PXDNL: variants seen among roughly 807,000 people sequenced by gnomAD.
The protein encoded by PXDNL is peroxidasin like, also known as probable oxidoreductase PXDNL.
PXDNL carries 145 observed loss-of-function variants against 150.8 expected under a neutral mutation model. The observed-to-expected ratio is 0.96, with a 90% CI of 0.84 to 1.10. The LOEUF is 1.10. PXDNL is among the 50% of genes least tolerant of loss of function. The pLI is 0.00. For missense variants in PXDNL, 2,087 were observed against 1,873.9 expected, an observed-to-expected ratio of 1.11 and a Z score of -2.10; for synonymous variants, 757 against 725.7, an observed-to-expected ratio of 1.04 and a Z score of -0.69.
intron 12 of PXDNL, among the ~76,000 whole-genome samples, chr8:51,436,871 A>G (rs1734140483): frequency 6.6e-6 from 1 of 152,234 alleles, no homozygotes; most frequent in East Asian, 1.9e-4. Context: ...GCAGAACTAC[A>G]TGAAATTGAA....
intron 4 of PXDNL, among the ~76,000 whole-genome samples, chr8:51,532,181 C>T (rs931170576): frequency 2.0e-5 from 3 of 152,164 alleles, no homozygotes; most frequent in South Asian, 2.1e-4. Flanking sequence ...ACACTAGAAA[C>T]AACTTTTATA....
At chr8:51,776,326 T>G (rs746008669) in intron 1 of PXDNL, among the ~76,000 whole-genome samples, 1 of 152,116 alleles carries the variant, frequency 6.6e-6, no homozygotes, top group Non-Finnish European at 1.5e-5. Flanking sequence ...CCCTCCCCTT[T>G]TGAAAATCAC....
intron 1 of PXDNL, among the ~76,000 whole-genome samples, chr8:51,801,218 C>T (rs992140540): frequency 1.3e-5 from 2 of 152,074 alleles, no homozygotes; most frequent in Non-Finnish European, 2.9e-5. Context: ...GACTGAAATA[C>T]GCCCTGGTCT....
intron 14 of PXDNL, 34 bp downstream of exon 14, chr8:51,423,541 T>C: frequency 6.3e-7 from 1 of 1,593,922 alleles, no homozygotes. Context: ...AAGACAGTTA[T>C]TTGGATGTTG....
chr8:51,519,257 G>A (rs1262237065), intron 4 of PXDNL, among the ~76,000 whole-genome samples: 1 of 152,092 alleles, frequency 6.6e-6, no homozygotes, highest in Non-Finnish European at 1.5e-5. Context: ...ATTTCCTGAA[G>A]AAGGCCGGGT....
chr8:51,474,580 T>C (rs1045680538), intron 7 of PXDNL, among the ~76,000 whole-genome samples: 2 of 152,232 alleles, frequency 1.3e-5, no homozygotes, highest in African/African-American at 4.8e-5. Flanking sequence ...GCAATGAATA[T>C]TAGCAATTAT....
At chr8:51,796,084 C>A (rs2129259634) in intron 1 of PXDNL, among the ~76,000 whole-genome samples, 1 of 152,266 alleles carries the variant, frequency 6.6e-6, no homozygotes, top group East Asian at 1.9e-4. Flanking sequence ...ATGCAAATTT[C>A]TCGGCCTTCC....
Position 51,419,429 on chromosome 8 carries a change from A to C in PXDNL, c.1795+4146T>G, listed in dbSNP as rs75594395. Among the ~76,000 whole-genome samples the C allele has an allele frequency of 5.0e-3, 766 of 152,332 alleles. 5 individuals are homozygous for C. Among genetic ancestry groups the C allele is most frequent in the African/African-American group, 0.018 (729 of 41,570 alleles). On this transcript the variant is annotated intron_variant, in intron 14 of 22. Coordinates refer to ENST00000356297, the MANE Select transcript of PXDNL (RefSeq NM_144651.5). ...TTTGAATTCTATCATGGAAACATAG[A>C]AATTCTATGCCAAGAAATACTCTTG... is the stretch of plus-strand genomic sequence containing the variant.
At chr8:51,473,769 A>C (rs1585501748) in intron 7 of PXDNL, among the ~76,000 whole-genome samples, 1 of 151,414 alleles carries the variant, frequency 6.6e-6, no homozygotes, top group African/African-American at 2.4e-5. Flanking sequence ...AAAAACAGTA[A>C]GTGACTGGAG....
chr8:51,486,984 G>A (rs1369285365), intron 5 of PXDNL, among the ~76,000 whole-genome samples: 8 of 150,686 alleles, frequency 5.3e-5, no homozygotes, highest in African/African-American at 2.0e-4. Context: ...TTGTAGAGAC[G>A]GGGTTTCACC....
intron 4 of PXDNL, among the ~76,000 whole-genome samples, chr8:51,513,107 A>G (rs553041877): frequency 6.6e-6 from 1 of 152,356 alleles, no homozygotes; most frequent in Non-Finnish European, 1.5e-5. Flanking sequence ...GATTTGTTCA[A>G]ACAAAACAGG....
chr8:51,796,436 T>C (rs1300335359), intron 1 of PXDNL, among the ~76,000 whole-genome samples: 1 of 147,430 alleles, frequency 6.8e-6, no homozygotes, highest in Non-Finnish European at 1.5e-5. Flanking sequence ...GCTAGACTAA[T>C]AAAGAAGAAA....
chr8:51,744,308 G>GAA (rs1177770883), intron 1 of PXDNL, among the ~76,000 whole-genome samples: 16 of 142,930 alleles, frequency 1.1e-4, no homozygotes, highest in East Asian at 2.1e-4. Context: ...AAGAAAGAAA[G>GAA]AGAAAGAAAG....
intron 5 of PXDNL, among the ~76,000 whole-genome samples, chr8:51,492,790 C>T (rs372203260): frequency 2.0e-5 from 3 of 152,106 alleles, no homozygotes; most frequent in African/African-American, 7.2e-5. Flanking sequence ...CCCAGAAGCT[C>T]GAACTGGGTG....
chr8:51,594,671 CA>C (rs1360509764), intron 2 of PXDNL, among the ~76,000 whole-genome samples: 1 of 152,066 alleles, frequency 6.6e-6, no homozygotes, highest in African/African-American at 2.4e-5. Context: ...AAATGGTTCA[CA>C]GTTGAATGTA....
At chr8:51,640,193 G>A (rs1202435875) in intron 2 of PXDNL, among the ~76,000 whole-genome samples, 1 of 152,148 alleles carries the variant, frequency 6.6e-6, no homozygotes, top group East Asian at 1.9e-4. Context: ...AGGTATTGAT[G>A]GGACATATCT....
intron 1 of PXDNL, among the ~76,000 whole-genome samples, chr8:51,788,443 A>G (rs147349931): frequency 1.6e-4 from 24 of 152,322 alleles, no homozygotes; most frequent in African/African-American, 4.6e-4. Context: ...AGTGGAAGAG[A>G]CAGTAATCAT....
intron 12 of PXDNL, among the ~76,000 whole-genome samples, chr8:51,434,660 A>C (rs772794162): frequency 2.6e-5 from 4 of 152,232 alleles, no homozygotes; most frequent in Non-Finnish European, 5.9e-5. Flanking sequence ...AGAAGGTTAA[A>C]AATACTAGAA....
intron 2 of PXDNL, among the ~76,000 whole-genome samples, chr8:51,628,473 T>C (rs1304159284): frequency 7.0e-6 from 1 of 143,320 alleles, no homozygotes; most frequent in African/African-American, 2.6e-5. Context: ...TGGCGCTGTC[T>C]CAGCTCACTG....
Sources: allele counts gnomAD v4.1 joint callset (sites outside exome capture counted in the v4.1 genomes callset), GRCh38; gene constraint gnomAD v4.1.1; transcripts MANE v1.5; gene names NCBI Gene and HGNC (gene_info 2026-07-23, HGNC 2026-07-21).